Variants in TRPC4AP observed in about 807,000 individuals in gnomAD.
TRPC4AP encodes the protein short transient receptor potential channel 4-associated protein.
Under a neutral mutation model 99.0 loss-of-function variants are expected in TRPC4AP, and 45 were observed. That is an observed-to-expected ratio of 0.45 (90% CI 0.36 to 0.58). The LOEUF (loss-of-function observed/expected upper bound fraction) is 0.58, where lower values mean the gene tolerates loss of function less well. Among genes scored for constraint, TRPC4AP ranks in the 20% least tolerant of loss-of-function variants. The pLI is 0.00. For missense variants in TRPC4AP, 879 were observed against 985.3 expected (o/e 0.89, Z 1.44); for synonymous variants, 408 against 385.8 (o/e 1.06, Z -0.67).
intron 1 of TRPC4AP, among the ~76,000 whole-genome samples, chr20:35,084,368 G>A (rs1037321521): frequency 6.6e-6 from 1 of 151,474 alleles, no homozygotes; most frequent in African/African-American, 2.4e-5. Flanking sequence ...AATTTCACTT[G>A]TACCCCATTA....
intron 1 of TRPC4AP, 32 bp from the exon 2 acceptor site, chr20:35,078,206 T>C: frequency 6.2e-7 from 1 of 1,604,906 alleles, no homozygotes; most frequent in South Asian, 1.1e-5. Flanking sequence ...AACATATTAT[T>C]GTATTATTGA....
chr20:35,077,599 C>T lies in TRPC4AP; in HGVS notation c.297+447G>A, dbSNP rs562243981. Among the ~76,000 whole-genome samples, 56 of 152,326 alleles carry T rather than the reference C, an allele frequency of 3.7e-4. No homozygotes were observed. In the South Asian group the frequency reaches 7.9e-3, roughly 21 times the overall value. ...GAGAACAATTATCCTAGCATAATGT[C>T]TCCGTGCTCTTTCCACTCATTTCCC... On this transcript the variant is annotated intron_variant, in intron 2 of 18. Transcript: ENST00000252015.
chr20:35,023,138 T>C (rs2082934498), intron 8 of TRPC4AP, among the ~76,000 whole-genome samples: 1 of 152,140 alleles, frequency 6.6e-6, no homozygotes, highest in African/African-American at 2.4e-5. Flanking sequence ...CTGAATGAAG[T>C]GTGACTGAGA....
intron 1 of TRPC4AP, among the ~76,000 whole-genome samples, chr20:35,083,561 G>T (rs1237577401): frequency 6.6e-6 from 1 of 151,228 alleles, no homozygotes; most frequent in African/African-American, 2.4e-5. Context: ...AGAAAGCTGA[G>T]ATGGTGCCAC....
At chr20:35,062,968 G>A (rs142659559) in intron 3 of TRPC4AP, among the ~76,000 whole-genome samples, 1 of 152,206 alleles carries the variant, frequency 6.6e-6, no homozygotes, top group East Asian at 1.9e-4. Context: ...TGAAATATCC[G>A]TAACAGGTGA....
intron 10 of TRPC4AP, among the ~76,000 whole-genome samples, chr20:35,014,945 G>T (rs541567238): frequency 6.6e-6 from 1 of 152,304 alleles, no homozygotes; most frequent in East Asian, 1.9e-4. Flanking sequence ...GCTCTCTCAA[G>T]GGGACTGTGA....
chr20:35,064,603 C>A (rs1269198819), intron 3 of TRPC4AP, among the ~76,000 whole-genome samples: 1 of 152,216 alleles, frequency 6.6e-6, no homozygotes, highest in East Asian at 1.9e-4. Flanking sequence ...CAGCTTTCTG[C>A]ACATCTGTAT....
At chr20:35,084,639 T>C (rs2084770989) in intron 1 of TRPC4AP, among the ~76,000 whole-genome samples, 2 of 114,898 alleles carry the variant, frequency 1.7e-5, no homozygotes, top group Admixed American at 9.6e-5. Flanking sequence ...TATGTGTATA[T>C]GTATGTATGT....
At chr20:35,005,356 G>A (rs1438156448) in intron 16 of TRPC4AP, among the ~76,000 whole-genome samples, 1 of 152,220 alleles carries the variant, frequency 6.6e-6, no homozygotes, top group African/African-American at 2.4e-5. Flanking sequence ...GTCCAGGAGG[G>A]TTCAGATGCC....
At chr20:35,076,121 G>C (rs962399039) in intron 2 of TRPC4AP, among the ~76,000 whole-genome samples, 7 of 152,228 alleles carry the variant, frequency 4.6e-5, no homozygotes, top group Non-Finnish European at 8.8e-5. Flanking sequence ...GGTCATTTAA[G>C]GTCTTTTCTA....
chr20:35,060,802 T>C (rs186576131), intron 3 of TRPC4AP, among the ~76,000 whole-genome samples: 1 of 152,064 alleles, frequency 6.6e-6, no homozygotes, highest in East Asian at 1.9e-4. Context: ...AACACTTTCA[T>C]GATAAAACAA....
At chr20:35,012,796 T>A (rs2082667028) in intron 11 of TRPC4AP, among the ~76,000 whole-genome samples, 1 of 152,150 alleles carries the variant, frequency 6.6e-6, no homozygotes, top group African/African-American at 2.4e-5. Context: ...CTATGAGGGT[T>A]AGAAGAAAGC....
chr20:35,012,388 C>T (rs958069732), intron 11 of TRPC4AP, among the ~76,000 whole-genome samples: 18 of 152,184 alleles, frequency 1.2e-4, no homozygotes, highest in Admixed American at 4.6e-4. Context: ...CCTGTGCACA[C>T]GCAGCTGGCT....
intron 3 of TRPC4AP, among the ~76,000 whole-genome samples, chr20:35,068,888 T>C (rs1346446185): frequency 4.0e-5 from 6 of 149,812 alleles, no homozygotes. Context: ...GCCGTGTATA[T>C]GGTATATCAC....
rs1319898843 is a variant in TRPC4AP at position 35,003,542 on chromosome 20, G to C, written c.2124C>G (p.Tyr708Ter). ...LARRKERLPL[Y>*]LRLLQRMEHS... ...GCTCCATCCGCTGCAGCAGCCGCAG[G>C]TACAGGGGCAGCCGCTCTTTCCGTC... Residue 708 changes from tyrosine (Y) to a stop codon, truncating the protein, a stop_gained, in exon 18 of 19, where the codon TAC becomes TAG. Coordinates refer to ENST00000252015, the MANE Select transcript of TRPC4AP (RefSeq NM_015638.3). LOFTEE classifies it high-confidence loss of function. The C allele has an allele frequency of 6.2e-7, 1 of 1,613,792 alleles. No homozygotes were observed. Among genetic ancestry groups the C allele is most frequent in the Non-Finnish European group, 8.5e-7 (1 of 1,180,008 alleles).
chr20:35,068,467 T>C (rs1163986560), intron 3 of TRPC4AP, among the ~76,000 whole-genome samples: 1 of 152,190 alleles, frequency 6.6e-6, no homozygotes, highest in Non-Finnish European at 1.5e-5. Context: ...GTGGAAAAAT[T>C]ATAAATGCCA....
At chr20:35,070,221 T>C (rs927597940) in intron 2 of TRPC4AP, among the ~76,000 whole-genome samples, 3 of 152,060 alleles carry the variant, frequency 2.0e-5, no homozygotes, top group African/African-American at 7.2e-5. Context: ...AAATGATTCT[T>C]GTTACTTCCG....
chr20:35,052,870 A>G (rs562263234), intron 5 of TRPC4AP, among the ~76,000 whole-genome samples: 56 of 152,250 alleles, frequency 3.7e-4, no homozygotes, highest in Admixed American at 1.6e-3. Flanking sequence ...AGTTTACACA[A>G]GTCCCCACTC....
At chr20:35,041,234 T>C (rs1026838034) in intron 7 of TRPC4AP, among the ~76,000 whole-genome samples, 4 of 130,248 alleles carry the variant, frequency 3.1e-5, no homozygotes, top group African/African-American at 1.1e-4. Flanking sequence ...CATTCACTAC[T>C]GGAGCGCAAT....
Sources: allele counts gnomAD v4.1 joint callset (sites outside exome capture counted in the v4.1 genomes callset), GRCh38; gene constraint gnomAD v4.1.1; transcripts MANE v1.5; gene names NCBI Gene and HGNC (gene_info 2026-07-23, HGNC 2026-07-21).